WHAMM: variants seen among roughly 807,000 people sequenced by gnomAD.
The protein encoded by WHAMM is WASP homolog-associated protein with actin, membranes and microtubules.
A neutral mutation model predicts 76.5 loss-of-function variants in WHAMM; 67 were observed. That is an observed-to-expected ratio of 0.88 (90% CI 0.72 to 1.07). The LOEUF is 1.07. Among genes scored for constraint, WHAMM ranks in the 50% least tolerant of loss-of-function variants. The pLI is 0.00. For synonymous variants in WHAMM, 419 were observed against 422.1 expected (o/e 0.99, Z 0.09); for missense variants, 1,021 against 1,051.1 (o/e 0.97, Z 0.40).
In WHAMM at chr15:82,810,077, C is replaced by G; in HGVS notation, c.351C>G (p.Gly117=). Residue 117 remains glycine, a synonymous_variant, in exon 1 of 10, where the codon GGC becomes GGG. Transcript: ENST00000286760. ...RLPPELDVGG[G]GAWGLGLGLW... ...CGCCGGAGCTGGACGTGGGCGGCGG[C>G]GGGGCCTGGGGTCTGGGGCTCGGGC... The G allele has an allele frequency of 8.2e-7, 1 of 1,215,304 alleles. No homozygotes were observed. The highest frequency in any genetic ancestry group is 3.5e-5 in the South Asian group (1 of 28,836). 75.3% of individuals were successfully genotyped at this position (1,215,304 alleles called of 1,614,324 possible). A position where few individuals can be genotyped will look rare whatever the true frequency, so the allele number is the denominator to read the frequency against.
Position 82,817,947 on chromosome 15 carries a change from C to G in WHAMM, c.962C>G (p.Ala321Gly). The change falls in exon 4 of 10, where the codon GCG (alanine) becomes GGG (glycine). Residue 321 changes from alanine to glycine, a missense_variant. Ala to Gly is a moderately conservative substitution (Grantham distance 60, BLOSUM62 0). Transcript: ENST00000286760. The stretch of plus-strand genomic sequence containing the variant: ...ATGCAGAAAGAAATGGAACAGGATG[C>G]GAAGAGATTTGGTCAGGCTGCCTGG... ...AGMQKEMEQDAKRFGQAAWAT... is the reference protein window; with the variant it reads ...AGMQKEMEQDGKRFGQAAWAT... 6.5e-7 allele frequency: 1 copy of G among 1,543,934 alleles called. No homozygotes were observed. Among genetic ancestry groups the G allele is most frequent in the Non-Finnish European group, 8.7e-7 (1 of 1,143,898 alleles).
intron 6 of WHAMM, among the ~76,000 whole-genome samples, chr15:82,824,084 G>A (rs2050885980): frequency 6.7e-6 from 1 of 149,742 alleles, no homozygotes; most frequent in Admixed American, 6.7e-5. Flanking sequence ...AATTTTCTCT[G>A]ACAGAAAAGG....
chr15:82,818,633 C>T (rs188661781), intron 4 of WHAMM, among the ~76,000 whole-genome samples: 24 of 152,338 alleles, frequency 1.6e-4, no homozygotes, highest in African/African-American at 5.3e-4. Context: ...TACTTCACTG[C>T]ATAGTCACTT....
Position 82,816,752 on chromosome 15 carries a change from G to A in WHAMM, c.844G>A (p.Glu282Lys), listed in dbSNP as rs1433120302. ...RRVVALEKEA[E>K]EWTRRAEEAV... Reference sequence around the variant, plus strand: ...GGTAGTTGCCCTGGAGAAAGAAGCTGAAGAATGGACCAGACGGGCTGAAGA... The same window carrying A: ...GGTAGTTGCCCTGGAGAAAGAAGCTAAAGAATGGACCAGACGGGCTGAAGA... The change falls in exon 3 of 10, where the codon GAA becomes AAA. Residue 282 changes from glutamate to lysine, a missense_variant. Around this residue, in one of 3 missense-constraint regions of WHAMM, gnomAD observed 501 missense variants for 524.9 expected, o/e 0.95. Coordinates refer to ENST00000286760, the MANE Select transcript of WHAMM (RefSeq NM_001080435.3). 12 of 1,559,230 alleles carry A rather than the reference G, an allele frequency of 7.7e-6. No homozygotes were observed. The highest frequency in any genetic ancestry group is 6.1e-6 in the Non-Finnish European group (7 of 1,150,332).
intron 5 of WHAMM, 31 bp from the exon 6 acceptor site, chr15:82,823,069 A>G: frequency 7.9e-7 from 1 of 1,271,096 alleles, no homozygotes; most frequent in Non-Finnish European, 1.0e-6. Context: ...ATAATAAAAT[A>G]TGTTTTAAAC....
At chr15:82,822,896 CAT>C (rs1164161311) in intron 5 of WHAMM, among the ~76,000 whole-genome samples, 1 of 148,058 alleles carries the variant, frequency 6.8e-6, no homozygotes, top group African/African-American at 2.5e-5. Flanking sequence ...GATATACACA[CAT>C]GCTACTTACA....
Position 82,830,882 on chromosome 15 carries a change from C to T in WHAMM, c.1925C>T (p.Pro642Leu), listed in dbSNP as rs1285877202. The T allele has an allele frequency of 2.5e-6, 4 of 1,581,762 alleles. No individual in the cohort carries two copies. The African/African-American group carries it at 4.0e-5, about 16-fold the overall frequency. Residue 642 changes from proline (P) to leucine (L), a missense_variant, in exon 9 of 10, where the codon CCT becomes CTT. Physicochemically the swap from Pro to Leu is moderately conservative, Grantham distance 98 (BLOSUM62 -3). Transcript: ENST00000286760. ...GAGGAATTGTCACTGCCACCACCTCCTCCTCCTCCACCACCACCACCGCCG... is the reference window on the plus strand; with the variant it reads ...GAGGAATTGTCACTGCCACCACCTCTTCCTCCTCCACCACCACCACCGCCG... Reference protein sequence around the residue: ...SSEELSLPPPPPPPPPPPPPP... With the variant: ...SSEELSLPPPLPPPPPPPPPP...
At position 82,830,762 on chromosome 15, in the gene WHAMM, G is replaced by T; in HGVS notation, c.1805G>T (p.Gly602Val). ...KTRGVPLSEA[G>V]NVKSPKCQNC... ...AGAGGTGTTCCCCTATCGGAAGCTG[G>T]TAATGTGAAAAGCCCCAAGTGTCAA... Residue 602 changes from glycine (G) to valine (V), a missense_variant, in exon 9 of 10, where the codon GGT becomes GTT. This residue lies in a region of WHAMM where 509 missense variants were observed against 492.3 expected (regional missense o/e 1.03). Coordinates refer to ENST00000286760, the MANE Select transcript of WHAMM (RefSeq NM_001080435.3). The T allele has an allele frequency of 6.2e-7, 1 of 1,613,924 alleles. No individual in the cohort carries two copies. The highest frequency in any genetic ancestry group is 8.5e-7 in the Non-Finnish European group (1 of 1,179,866).
rs545618805 is a variant in WHAMM, at chr15:82,820,291, A to G, written c.1270+803A>G. ...AACTGTCTTTCTATTTCAGTGAATA[A>G]TAAAAGTATCAAAATTTTAATGGCT... On this transcript the variant is annotated intron_variant, in intron 5 of 9. Transcript: ENST00000286760. Among the ~76,000 whole-genome samples, 16 of 152,310 alleles carry G rather than the reference A, an allele frequency of 1.1e-4. No homozygotes were observed. The South Asian group carries it at 3.3e-3, about 32-fold the overall frequency.
Position 82,831,068 on chromosome 15 carries a change from T to G in WHAMM, c.2111T>G (p.Phe704Cys). Residue 704 changes from phenylalanine (F) to cysteine (C), a missense_variant, in exon 9 of 10, where the codon TTT (phenylalanine) becomes TGT (cysteine). By Grantham distance (205) the Phe-to-Cys change is radical. Coordinates refer to ENST00000286760, the MANE Select transcript of WHAMM (RefSeq NM_001080435.3). Reference sequence around the variant, plus strand: ...CGACCACGTGACTCCTTGGAAAGTTTTTCATGTCCAGGTAATCCACTGGAA... The same window carrying G: ...CGACCACGTGACTCCTTGGAAAGTTGTTCATGTCCAGGTAATCCACTGGAA... ...AERPRDSLES[F>C]SCPGSMDEVL... is the part of the protein sequence containing the mutation. 6.2e-7 allele frequency: 1 copy of G among 1,606,378 alleles called. No homozygotes were observed.
chr15:82,816,825 C>T lies in WHAMM; in HGVS notation c.917C>T (p.Thr306Ile), dbSNP rs376462838. The T allele has an allele frequency of 6.4e-7, 1 of 1,560,938 alleles. No individual in the cohort carries two copies. The highest frequency in any genetic ancestry group is 8.7e-7 in the Non-Finnish European group (1 of 1,152,316). The change falls in exon 3 of 10, where the codon ACA becomes ATA. Residue 306 changes from threonine to isoleucine, a missense_variant. Coordinates refer to ENST00000286760, the MANE Select transcript of WHAMM (RefSeq NM_001080435.3). ...QDITVNYFKETVKALAGMQKE... is the reference protein window; with the variant it reads ...QDITVNYFKEIVKALAGMQKE... The stretch of plus-strand genomic sequence containing the variant: ...ATCACAGTGAATTATTTTAAGGAGA[C>T]AGTAAAAGCATTAGCAGGTGATAAT...
chr15:82,830,791 T>C lies in WHAMM; in HGVS notation c.1834T>C (p.Cys612Arg), dbSNP rs2051014252. The C allele has an allele frequency of 1.2e-6, 2 of 1,613,414 alleles. No individual in the cohort carries two copies. The highest frequency in any genetic ancestry group is 1.7e-5 in the Admixed American group (1 of 59,886). Residue 612 changes from cysteine (C) to arginine (R), a missense_variant, in exon 9 of 10, where the codon TGT (cysteine) becomes CGT (arginine). By Grantham distance (180) the Cys-to-Arg change is radical. This residue lies in a region of WHAMM where 509 missense variants were observed against 492.3 expected (regional missense o/e 1.03). Transcript: ENST00000286760. ...TGTGAAAAGCCCCAAGTGTCAAAAC[T>C]GTCATGGAAATATCCCTGTCCAGGT... is the stretch of plus-strand genomic sequence containing the variant. The part of the protein sequence containing the change: ...GNVKSPKCQN[C>R]HGNIPVQVFV...
chr15:82,834,288 G>A lies in WHAMM; in HGVS notation c.*752G>A, dbSNP rs2051094394. The A allele has an allele frequency of 6.6e-6, 1 of 152,366 alleles. No homozygotes were observed. The highest frequency in any genetic ancestry group is 1.5e-5 in the Non-Finnish European group (1 of 68,192). The allele number at this position is 152,366 out of a possible 1,614,324, so 9.4% of individuals were successfully genotyped here. ...CCTGACCTCGTGATCCACCTGCCTT[G>A]GCCACCCAAAGTGTTGGGATTATAG... On this transcript the variant is annotated 3_prime_UTR_variant, in exon 10 of 10. Transcript: ENST00000286760.
Position 82,826,403 on chromosome 15 carries a change from C to T in WHAMM, c.1459-7C>T. The stretch of plus-strand genomic sequence containing the variant: ...AACCATGTAGGTGATTTGTATTATT[C>T]CACCAGGATCAGTGCAAAGAAAATC... On this transcript the variant is annotated splice_region_variant and splice_polypyrimidine_tract_variant and intron_variant, in intron 6 of 9. Transcript: ENST00000286760. 1 of 1,613,742 alleles carries T rather than the reference C, an allele frequency of 6.2e-7. No homozygotes were observed.
Position 82,831,011 on chromosome 15 carries a change from C to G in WHAMM, c.2054C>G (p.Pro685Arg). The change falls in exon 9 of 10, where the codon CCA (proline) becomes CGA (arginine). Residue 685 changes from proline (P) to arginine (R), a missense_variant. By Grantham distance (103) the Pro-to-Arg change is moderately radical. Transcript: ENST00000286760. ...GFRAPVKDDQPRPLVCESPAE... is the reference protein window; with the variant it reads ...GFRAPVKDDQRRPLVCESPAE... ...CGGGCTCCAGTGAAAGATGACCAGC[C>G]ACGTCCTCTAGTGTGCGAATCACCT... The G allele has an allele frequency of 6.2e-7, 1 of 1,612,152 alleles. No individual in the cohort carries two copies. Among genetic ancestry groups the G allele is most frequent in the Non-Finnish European group, 8.5e-7 (1 of 1,179,772 alleles).
At position 82,815,270 on chromosome 15, in the gene WHAMM, T is replaced by C. The variant is rs1440092749; in HGVS notation, c.784-1422T>C. ...TGTACCCTTTAGTCACTCCCAACCC[T>C]GGGCAACCACCAATCTACTTTCTGT... On this transcript the variant is annotated intron_variant, in intron 2 of 9. Transcript: ENST00000286760. 3.3e-5 allele frequency among the ~76,000 whole-genome samples: 5 copies of C among 151,054 alleles called. 1 individual carries two copies. In the East Asian group the frequency reaches 9.7e-4, roughly 29 times the overall value.
At chr15:82,813,813 C>G (rs534650715) in intron 2 of WHAMM, among the ~76,000 whole-genome samples, 1 of 151,592 alleles carries the variant, frequency 6.6e-6, no homozygotes, top group African/African-American at 2.4e-5. Flanking sequence ...TGTACCACCA[C>G]GCCCAGCTAA....
At chr15:82,818,821 C>A (rs1176201292) in intron 4 of WHAMM, among the ~76,000 whole-genome samples, 1 of 152,200 alleles carries the variant, frequency 6.6e-6, no homozygotes, top group East Asian at 1.9e-4. Flanking sequence ...CCTGCAGATT[C>A]ACTGTCCGGT....
chr15:82,823,010 G>A (rs2050860987), intron 5 of WHAMM, 90 bp from the exon 6 acceptor site: 3 of 1,124,150 alleles, frequency 2.7e-6, no homozygotes, highest in Non-Finnish European at 3.5e-6. Context: ...GGGATTACAA[G>A]TGATCTTTAT....
Sources: gnomAD v4.1 joint callset for allele counts (sites outside exome capture counted in the v4.1 genomes callset) on GRCh38, gnomAD v4.1.1 for gene constraint, gnomAD v4.1.1 regional missense constraint, MANE v1.5 for transcripts, NCBI Gene and HGNC (gene_info 2026-07-23, HGNC 2026-07-21) for gene names.